The following NOD2 variants were observed in gnomAD, a reference collection of about 807,000 sequenced individuals.
NOD2 encodes the protein nucleotide-binding oligomerization domain-containing protein 2.
NOD2 carries 86 observed loss-of-function variants against 90.9 expected under a neutral mutation model. The ratio of observed to expected loss-of-function variants is 0.95; its 90% CI spans 0.79 to 1.13. NOD2 has a LOEUF of 1.13. Ranked by LOEUF, NOD2 falls within the 50% of genes most tolerant of loss-of-function variation. The pLI is 0.00. For synonymous variants in NOD2, 581 were observed against 554.6 expected (o/e 1.05, Z -0.67); for missense variants, 1,238 against 1,283.8 (o/e 0.96, Z 0.55).
chr16:50,704,167 G>A (rs1328112628), intron 2 of NOD2, among the ~76,000 whole-genome samples: 1 of 152,224 alleles, frequency 6.6e-6, no homozygotes, highest in Non-Finnish European at 1.5e-5. Context: ...CCCTCAACTT[G>A]TTTGAATCTT....
rs1419608074 is a variant in NOD2 at position 50,728,760 on chromosome 16, C to T, written c.2886-1058C>T. On this transcript the variant is annotated intron_variant, in intron 10 of 11. Coordinates refer to ENST00000647318, the MANE Select transcript of NOD2 (RefSeq NM_001370466.1). ...GAAGGCAAAGCTGTAACCAAAAGAG[C>T]AACCTGGGAAACACATGACTCCTCT... 7.9e-5 allele frequency among the ~76,000 whole-genome samples: 12 copies of T among 152,304 alleles called. No individual in the cohort carries two copies. In the East Asian group the frequency reaches 2.3e-3, roughly 29 times the overall value.
rs751255487 is a variant in NOD2 at position 50,725,584 on chromosome 16, A to T, written c.2885+12A>T. 2 of 1,602,036 alleles carry T rather than the reference A, an allele frequency of 1.2e-6. No individual in the cohort carries two copies. Among genetic ancestry groups the T allele is most frequent in the Admixed American group, 1.7e-5 (1 of 59,986 alleles). ...TTGAAAATCCTGAAGTAAGGAACCC[A>T]TAAGCAGGAAACAGGACAATAATTG... On this transcript the variant is annotated intron_variant, in intron 10 of 11. Transcript: ENST00000647318.
intron 10 of NOD2, among the ~76,000 whole-genome samples, chr16:50,727,138 CAAAA>C (rs1184511634): frequency 2.3e-5 from 2 of 86,946 alleles, no homozygotes; most frequent in Non-Finnish European, 2.2e-5. Flanking sequence ...ACTTCCATCT[CAAAA>C]AAAAAAAAAA....
At position 50,711,321 on chromosome 16, in the gene NOD2, C is replaced by T. The variant is rs1255543491; in HGVS notation, c.1329C>T (p.Ile443=). ...HHEPGVADRL[I]RLLQETSALH... ...AGCCCGGGGTGGCGGACCGCCTCATCCGCCTGCTCCAAGAGACCTCAGCCC... is the reference window on the plus strand; with the variant it reads ...AGCCCGGGGTGGCGGACCGCCTCATTCGCCTGCTCCAAGAGACCTCAGCCC... The change falls in exon 4 of 12, where the codon ATC becomes ATT. Residue 443 remains isoleucine, a synonymous_variant. Coordinates refer to ENST00000647318, the MANE Select transcript of NOD2 (RefSeq NM_001370466.1). The T allele has an allele frequency of 3.7e-6, 6 of 1,613,630 alleles. No individual in the cohort carries two copies. The highest frequency in any genetic ancestry group is 5.1e-6 in the Non-Finnish European group (6 of 1,180,046).
In NOD2 at chr16:50,716,653, G is replaced by A; in HGVS notation, c.2448G>A (p.Glu816=). The stretch of plus-strand genomic sequence containing the variant: ...TCATTGAATGTGCTCTTCACTGCGA[G>A]CAATTGCAGAAGTTAGCGTAAGTCA... The part of the protein sequence containing the change: ...CKLIECALHC[E]QLQKLALFNN... Residue 816 remains glutamate, a synonymous_variant, in exon 5 of 12, where the codon GAG becomes GAA. Coordinates refer to ENST00000647318, the MANE Select transcript of NOD2 (RefSeq NM_001370466.1). The A allele has an allele frequency of 6.2e-7, 1 of 1,614,194 alleles. No homozygotes were observed. Among genetic ancestry groups the A allele is most frequent in the Non-Finnish European group, 8.5e-7 (1 of 1,180,012 alleles).
rs551614265 is a variant in NOD2, at chr16:50,708,934, G to C, written c.565+974G>C. ...AGGCCCTGGTTTGGCCCTTGGTTGAGGTTTGCTGTTGACATCATCAAGCAC... is the reference window on the plus strand; with the variant it reads ...AGGCCCTGGTTTGGCCCTTGGTTGACGTTTGCTGTTGACATCATCAAGCAC... On this transcript the variant is annotated intron_variant, in intron 3 of 11. Transcript: ENST00000647318. Among the ~76,000 whole-genome samples the C allele has an allele frequency of 2.0e-5, 3 of 152,336 alleles. No individual in the cohort carries two copies. In the South Asian group the frequency reaches 6.2e-4, roughly 32 times the overall value.
At chr16:50,704,707 G>T (rs1596841994) in intron 2 of NOD2, among the ~76,000 whole-genome samples, 1 of 152,052 alleles carries the variant, frequency 6.6e-6, no homozygotes, top group East Asian at 1.9e-4. Context: ...TAGTAGAGAT[G>T]GGGTTTTGCT....
At chr16:50,694,801 C>T (rs1963568153) in intron 1 of NOD2, among the ~76,000 whole-genome samples, 1 of 152,108 alleles carries the variant, frequency 6.6e-6, no homozygotes, top group Admixed American at 6.5e-5. Flanking sequence ...AGACAAAACC[C>T]CCTGCCCTCA....
Position 50,711,708 on chromosome 16 carries a change from G to A in NOD2, c.1716G>A (p.Leu572=). The A allele has an allele frequency of 6.2e-7, 1 of 1,614,056 alleles. No homozygotes were observed. Among genetic ancestry groups the A allele is most frequent in the Non-Finnish European group, 8.5e-7 (1 of 1,180,028 alleles). Residue 572 remains leucine, a synonymous_variant, in exon 4 of 12, where the codon CTG becomes CTA. Transcript: ENST00000647318. ...TCGTGCCAGGGAGTACGGCGCCCCT[G>A]GAATTCCTTCACATCACTTTCCAGT... ...KGVVPGSTAP[L]EFLHITFQCF... is the part of the protein sequence containing the mutation.
At chr16:50,715,561 G>C (rs566102684) in intron 4 of NOD2, 1 of 152,110 alleles carries the variant, frequency 6.6e-6, no homozygotes, top group Non-Finnish European at 1.5e-5. Flanking sequence ...GACTACAGGC[G>C]CCTGCCACCA....
In NOD2 at chr16:50,711,760, C is replaced by G; in HGVS notation, c.1768C>G (p.Leu590Val). The G allele has an allele frequency of 6.2e-7, 1 of 1,614,236 alleles. No homozygotes were observed. Among genetic ancestry groups the G allele is most frequent in the East Asian group, 2.2e-5 (1 of 44,886 alleles). ...QCFFAAFYLALSADVPPALLR... is the reference protein window; with the variant it reads ...QCFFAAFYLAVSADVPPALLR... Reference sequence around the variant, plus strand: ...CTTCTTTGCCGCGTTCTACCTGGCACTCAGTGCTGATGTGCCACCAGCTTT... The same window carrying G: ...CTTCTTTGCCGCGTTCTACCTGGCAGTCAGTGCTGATGTGCCACCAGCTTT... The change falls in exon 4 of 12, where the codon CTC becomes GTC. Residue 590 changes from leucine to valine, a missense_variant. Physicochemically the swap from Leu to Val is conservative, Grantham distance 32. This residue lies in a region of NOD2 where 667 missense variants were observed against 688.7 expected (regional missense o/e 0.97). Coordinates refer to ENST00000647318, the MANE Select transcript of NOD2 (RefSeq NM_001370466.1).
chr16:50,711,625 G>A lies in NOD2; in HGVS notation c.1633G>A (p.Ala545Thr), dbSNP rs1964512258. The A allele has an allele frequency of 2.5e-6, 4 of 1,612,236 alleles. No individual in the cohort carries two copies. In the East Asian group the frequency reaches 6.7e-5, roughly 27 times the overall value. ...CGTGTTCTCAGCCCAGCAGCTCCAG[G>A]CAGCACAGGTCAGCCCTGATGACAT... ...CYVFSAQQLQ[A>T]AQVSPDDISL... The change falls in exon 4 of 12, where the codon GCA becomes ACA. Residue 545 changes from alanine (A) to threonine (T), a missense_variant. Around this residue, in one of 3 missense-constraint regions of NOD2, gnomAD observed 667 missense variants for 688.7 expected, o/e 0.97. Coordinates refer to ENST00000647318, the MANE Select transcript of NOD2 (RefSeq NM_001370466.1).
At chr16:50,720,141 G>A in intron 7 of NOD2, 133 bp downstream of exon 7, 1 of 746,432 alleles carries the variant, frequency 1.3e-6, no homozygotes. Flanking sequence ...AAGCCAGGGA[G>A]AGAGTGGGCG....
Position 50,710,832 on chromosome 16 carries a change from G to C in NOD2, c.840G>C (p.Thr280=). 1 of 1,614,050 alleles carries C rather than the reference G, an allele frequency of 6.2e-7. No individual in the cohort carries two copies. The highest frequency in any genetic ancestry group is 8.5e-7 in the Non-Finnish European group (1 of 1,180,018). Residue 280 remains threonine, a synonymous_variant, in exon 4 of 12, where the codon ACG becomes ACC. Transcript: ENST00000647318. ...VVGEAGSGKS[T]LLQRLHLLWA... The stretch of plus-strand genomic sequence containing the variant: ...GTGAGGCGGGCAGTGGCAAGAGCAC[G>C]CTCCTGCAGCGGCTGCACTTGCTGT...
At chr16:50,718,825 G>A (rs1964915428) in intron 6 of NOD2, among the ~76,000 whole-genome samples, 1 of 152,198 alleles carries the variant, frequency 6.6e-6, no homozygotes, top group African/African-American at 2.4e-5. Context: ...AATCACACAA[G>A]CACTCAGCTT....
At chr16:50,697,215 T>C in intron 1 of NOD2, 1 of 1,547,864 alleles carries the variant, frequency 6.5e-7, no homozygotes, top group East Asian at 2.4e-5. Context: ...GCAGATGCCA[T>C]GCCTGCTCCC....
chr16:50,728,493 CA>C (rs1010681261), intron 10 of NOD2: 2 of 165,076 alleles, frequency 1.2e-5, no homozygotes, highest in African/African-American at 4.8e-5. Flanking sequence ...AAGTCATTAG[CA>C]AAAAATCATA....
At chr16:50,706,593 A>G (rs987218517) in intron 2 of NOD2, among the ~76,000 whole-genome samples, 1 of 152,182 alleles carries the variant, frequency 6.6e-6, no homozygotes, top group Non-Finnish European at 1.5e-5. Flanking sequence ...TTTGAGCACT[A>G]GAGACCTGGC....
At chr16:50,703,420 A>T (rs1052022059) in intron 2 of NOD2, among the ~76,000 whole-genome samples, 1 of 152,148 alleles carries the variant, frequency 6.6e-6, no homozygotes, top group African/African-American at 2.4e-5. Flanking sequence ...CAGGTGGATC[A>T]CAAGGTCAGG....
Sources: gnomAD v4.1 joint callset for allele counts (sites outside exome capture counted in the v4.1 genomes callset) on GRCh38, gnomAD v4.1.1 for gene constraint, gnomAD v4.1.1 regional missense constraint, MANE v1.5 for transcripts, NCBI Gene and HGNC (gene_info 2026-07-23, HGNC 2026-07-21) for gene names.